FABP6: variants seen among roughly 807,000 people sequenced by gnomAD.
FABP6 encodes the protein gastrotropin.
FABP6 carries 13 observed loss-of-function variants against 14.9 expected under a neutral mutation model. That is an observed-to-expected ratio of 0.87 (90% confidence interval 0.57 to 1.39). The LOEUF is 1.39. Among genes scored for constraint, FABP6 ranks in the 40% most tolerant of loss-of-function variants. The pLI is 0.00. For synonymous variants in FABP6, 75 were observed against 63.6 expected (o/e 1.18, Z -0.85); for missense variants, 161 against 167.2 (o/e 0.96, Z 0.20).
At chr5:160,212,457 C>G (rs1367814265) in intron 2 of FABP6, among the ~76,000 whole-genome samples, 1 of 151,536 alleles carries the variant, frequency 6.6e-6, no homozygotes, top group African/African-American at 2.4e-5. Context: ...TCTGGCCCTA[C>G]AACTGGCTAA....
upstream of FABP6, chr5:160,229,326 G>A (rs1760316432): frequency 1.1e-6 from 1 of 929,722 alleles, no homozygotes. Context: ...TGCTGGCAAT[G>A]GGGTGACAGC....
chr5:160,194,448 T>C (rs1397228871), intron 1 of FABP6, among the ~76,000 whole-genome samples: 1 of 152,126 alleles, frequency 6.6e-6, no homozygotes, highest in Non-Finnish European at 1.5e-5. Flanking sequence ...CTGTGAGGAC[T>C]GCCAGCACGC....
At position 160,189,159 on chromosome 5, in the gene FABP6, G is replaced by C. The variant is rs553284836; in HGVS notation, c.-59+1705G>C. On this transcript the variant is annotated intron_variant, in intron 1 of 6. Coordinates refer to the FABP6 transcript ENST00000393980. ...AGCCATGGATAAGACATAAACGAGTGGGCATGATGTGTTTCCATGAAGCTT... is the reference window on the plus strand; with the variant it reads ...AGCCATGGATAAGACATAAACGAGTCGGCATGATGTGTTTCCATGAAGCTT... Among the ~76,000 whole-genome samples the C allele has an allele frequency of 4.6e-5, 7 of 152,236 alleles. No individual in the cohort carries two copies. The South Asian group carries it at 1.5e-3, about 32-fold the overall frequency.
intron 1 of FABP6, among the ~76,000 whole-genome samples, chr5:160,193,008 A>G (rs1233061354): frequency 6.6e-6 from 1 of 152,208 alleles, no homozygotes; most frequent in African/African-American, 2.4e-5. Flanking sequence ...CTACTTGGGA[A>G]GCTGAGGCAG....
chr5:160,228,032 A>G (rs779180018), upstream of FABP6, among the ~76,000 whole-genome samples: 1 of 152,124 alleles, frequency 6.6e-6, no homozygotes, highest in Non-Finnish European at 1.5e-5. Context: ...TTAGATGGAA[A>G]TGAAGGAGAT....
intron 1 of FABP6, among the ~76,000 whole-genome samples, chr5:160,189,551 G>A (rs1396168081): frequency 6.6e-6 from 1 of 151,894 alleles, no homozygotes; most frequent in African/African-American, 2.4e-5. Context: ...CCAAGAAATT[G>A]TATTCTTCTT....
intron 1 of FABP6, among the ~76,000 whole-genome samples, chr5:160,193,882 G>A (rs1019177036): frequency 1.7e-4 from 26 of 152,364 alleles, no homozygotes; most frequent in African/African-American, 6.0e-4. Context: ...TGCCAGTCAC[G>A]CGCCATGCGC....
chr5:160,231,462 C>T (rs7707218), intron 1 of FABP6, among the ~76,000 whole-genome samples: 99,826 of 152,178 alleles, frequency 0.66, 32,915 homozygotes, highest in African/African-American at 0.69. Flanking sequence ...GGCGCGATCC[C>T]AGCTCACTGC....
intron 1 of FABP6, among the ~76,000 whole-genome samples, chr5:160,192,803 G>T (rs145656408): frequency 2.0e-5 from 3 of 152,350 alleles, no homozygotes; most frequent in African/African-American, 7.2e-5. Flanking sequence ...ATGCCAGTGT[G>T]GCTCCTGGAT....
chr5:160,213,187 T>A (rs980563682), intron 2 of FABP6, among the ~76,000 whole-genome samples: 2 of 152,154 alleles, frequency 1.3e-5, no homozygotes, highest in African/African-American at 4.8e-5. Context: ...AACTTTCCAC[T>A]ACATGGGGCC....
intron 3 of FABP6, among the ~76,000 whole-genome samples, chr5:160,221,086 C>T (rs886466261): frequency 2.1e-4 from 24 of 113,956 alleles, no homozygotes; most frequent in African/African-American, 9.5e-4. Context: ...GAGACTTTCT[C>T]TCAAAAAAAA....
At chr5:160,228,671 C>CT (rs912683749), upstream of FABP6, 4 of 384,040 alleles carry the variant, frequency 1.0e-5, no homozygotes, top group African/African-American at 8.4e-5. Context: ...ATCTTCAAGG[C>CT]ACCTGGCACC....
chr5:160,206,248 G>A (rs1035772005), intron 2 of FABP6, among the ~76,000 whole-genome samples: 26 of 152,218 alleles, frequency 1.7e-4, no homozygotes, highest in Middle Eastern at 3.4e-3. Context: ...TGGCCAACAT[G>A]GGGAAACCCC....
At chr5:160,201,408 G>A (rs189661671) in intron 2 of FABP6, among the ~76,000 whole-genome samples, 2 of 151,530 alleles carry the variant, frequency 1.3e-5, no homozygotes, top group East Asian at 1.9e-4. Flanking sequence ...TGCCTAGGGT[G>A]GGGGGGTAGG....
chr5:160,222,370 G>C (rs997258972), intron 3 of FABP6, among the ~76,000 whole-genome samples: 1 of 151,944 alleles, frequency 6.6e-6, no homozygotes, highest in Non-Finnish European at 1.5e-5. Flanking sequence ...GTCTTGCTCT[G>C]TTGCCCAGGC....
At chr5:160,195,445 C>A (rs901188246) in intron 1 of FABP6, among the ~76,000 whole-genome samples, 7 of 152,080 alleles carry the variant, frequency 4.6e-5, no homozygotes, top group Non-Finnish European at 7.3e-5. Flanking sequence ...AAGCCTCAAA[C>A]TTTTTTTCTG....
chr5:160,208,618 A>C (rs927005635), intron 2 of FABP6, among the ~76,000 whole-genome samples: 1 of 151,580 alleles, frequency 6.6e-6, no homozygotes, highest in African/African-American at 2.4e-5. Context: ...GGTTATCATA[A>C]GAGTGGATTA....
chr5:160,202,664 C>T (rs1277892455), intron 2 of FABP6, among the ~76,000 whole-genome samples: 2 of 151,728 alleles, frequency 1.3e-5, no homozygotes, highest in Non-Finnish European at 2.9e-5. Context: ...ATTAGCCAGG[C>T]GTGGTGTCAG....
chr5:160,219,510 A>G (rs918478), intron 3 of FABP6, among the ~76,000 whole-genome samples: 137,632 of 152,190 alleles, frequency 0.9, 62,333 homozygotes, highest in Non-Finnish European at 0.92. Flanking sequence ...CCAGGAGAAG[A>G]GGGGAAGAGG....
Sources: allele counts gnomAD v4.1 joint callset (sites outside exome capture counted in the v4.1 genomes callset), GRCh38; gene constraint gnomAD v4.1.1; transcripts MANE v1.5; gene names NCBI Gene and HGNC (gene_info 2026-07-23, HGNC 2026-07-21).